The following NACAD variants were observed in gnomAD, a reference collection of about 807,000 sequenced individuals.
NACAD encodes NAC-alpha domain-containing protein 1.
A neutral mutation model predicts 98.9 loss-of-function variants in NACAD; 47 were observed. That is an observed-to-expected ratio of 0.48 (90% CI 0.38 to 0.61). The LOEUF is 0.61. Among genes scored for constraint, NACAD ranks in the 20% least tolerant of loss-of-function variants. The pLI is 0.00. For synonymous variants in NACAD, 696 were observed against 767.2 expected, an observed-to-expected ratio of 0.91 and a Z score of 1.53; for missense variants, 1,412 against 1,748.2, an observed-to-expected ratio of 0.81 and a Z score of 3.43.
At position 45,082,139 on chromosome 7, in the gene NACAD, C is replaced by T. The variant is rs1424699858; in HGVS notation, c.4041G>A (p.Glu1347=). The T allele has an allele frequency of 6.7e-7, 1 of 1,485,536 alleles. No individual in the cohort carries two copies. Among genetic ancestry groups the T allele is most frequent in the Non-Finnish European group, 9.0e-7 (1 of 1,116,554 alleles). The allele number at this position is 1,485,536 out of a possible 1,614,324, so 92.0% of individuals were successfully genotyped here. The change falls in exon 2 of 8, where the codon GAG becomes GAA. Residue 1347 remains glutamate, a synonymous_variant. Transcript: ENST00000490531. The surrounding 1 kb of genome is among the most constrained non-coding windows in gnomAD (Gnocchi z 4.5). ...PAGPQGLSAP[E]QQEDEDSLEE... ...CCAGGCTGTCCTCATCCTCTTGCTG[C>T]TCGGGGGCTGAGAGCCCTTGAGGGC...
Position 45,082,799 on chromosome 7 carries a change from T to G in NACAD, c.3381A>C (p.Arg1127Ser). Residue 1127 changes from arginine (R) to serine (S), a missense_variant, in exon 2 of 8, where the codon AGA (arginine) becomes AGC (serine). By Grantham distance (110) the Arg-to-Ser change is moderately radical. This residue lies in a region of NACAD where 572 missense variants were observed against 639.6 expected (regional missense o/e 0.89). Coordinates refer to ENST00000490531, the MANE Select transcript of NACAD (RefSeq NM_001146334.2). This position sits in a 1 kb window ranked among gnomAD's most constrained non-coding sequence, Gnocchi z 4.5. ...CCGGGGTGGACTTGCCACTCAGGCCTCTTTCCTCCCTGGCTGGGCTCAGGA... is the reference window on the plus strand; with the variant it reads ...CCGGGGTGGACTTGCCACTCAGGCCGCTTTCCTCCCTGGCTGGGCTCAGGA... ...ARLLSPAREE[R>S]GLSGKSTPEP... is the part of the protein sequence containing the mutation. 1 of 1,549,790 alleles carries G rather than the reference T, an allele frequency of 6.5e-7. No individual in the cohort carries two copies. The highest frequency in any genetic ancestry group is 8.7e-7 in the Non-Finnish European group (1 of 1,146,620).
At position 45,085,135 on chromosome 7, in the gene NACAD, C is replaced by G. The variant is rs1453360104; in HGVS notation, c.1045G>C (p.Ala349Pro). The G allele has an allele frequency of 6.4e-7, 1 of 1,550,748 alleles. No individual in the cohort carries two copies. Among genetic ancestry groups the G allele is most frequent in the Non-Finnish European group, 8.7e-7 (1 of 1,146,688 alleles). ...VADPDPGGDL[A>P]GEGEEDSTSA... ...GTGCTGTCCTCCTCACCCTCCCCAG[C>G]CAGGTCCCCACCTGGGTCGGGATCC... Residue 349 changes from alanine to proline, a missense_variant, in exon 2 of 8, where the codon GCT becomes CCT. By Grantham distance (27) the Ala-to-Pro change is conservative. Around this residue, in one of 5 missense-constraint regions of NACAD, gnomAD observed 638 missense variants for 722.7 expected, o/e 0.88. Transcript: ENST00000490531. This position sits in a 1 kb window ranked among gnomAD's most constrained non-coding sequence, Gnocchi z 6.1.
At position 45,085,913 on chromosome 7, in the gene NACAD, G is replaced by A. The variant is rs539520980; in HGVS notation, c.267C>T (p.Gly89=). The change falls in exon 2 of 8, where the codon GGC becomes GGT. Residue 89 remains glycine (G), a synonymous_variant. Transcript: ENST00000490531. The surrounding 1 kb of genome is among the most constrained non-coding windows in gnomAD (Gnocchi z 6.1). ...APSAWADPGE[G]GPSPMLLPEG... Reference sequence around the variant, plus strand: ...CAGGGAGGAGCATGGGGCTTGGGCCGCCCTCCCCTGGGTCCGCCCAGGCCG... The same window carrying A: ...CAGGGAGGAGCATGGGGCTTGGGCCACCCTCCCCTGGGTCCGCCCAGGCCG... 55 of 1,545,562 alleles carry A rather than the reference G, an allele frequency of 3.6e-5. No homozygotes were observed. In the East Asian group the frequency reaches 6.1e-4, roughly 17 times the overall value.
rs1784558892 is a variant in NACAD, at chr7:45,088,708, G to C, written c.67+120C>G. 2.7e-6 allele frequency: 2 copies of C among 730,512 alleles called. No individual in the cohort carries two copies. Among genetic ancestry groups the C allele is most frequent in the Non-Finnish European group, 4.0e-6 (2 of 501,546 alleles). 45.3% of individuals were successfully genotyped at this position (730,512 alleles called of 1,614,324 possible). ...AGGGAAGGACAGGGCGCGGAAAGGG[G>C]AGGGGACTCGAGGGGGGCCAGGGGG... On this transcript the variant is annotated intron_variant, in intron 1 of 7. Transcript: ENST00000490531. The surrounding 1 kb of genome is among the most constrained non-coding windows in gnomAD (Gnocchi z 5.7).
Position 45,085,374 on chromosome 7 carries a change from C to T in NACAD, c.806G>A (p.Gly269Glu), listed in dbSNP as rs367729867. 3 of 1,549,042 alleles carry T rather than the reference C, an allele frequency of 1.9e-6. No individual in the cohort carries two copies. The highest frequency in any genetic ancestry group is 2.6e-6 in the Non-Finnish European group (3 of 1,145,910). Reference protein sequence around the residue: ...MVDERELHPAGTPEPPSSESS... With the variant: ...MVDERELHPAETPEPPSSESS... ...CTCAGAGGACGGGGGCTCTGGGGTC[C>T]CTGCTGGGTGCAGCTCTCGTTCATC... Residue 269 changes from glycine to glutamate, a missense_variant, in exon 2 of 8, where the codon GGG becomes GAG. By Grantham distance (98) the Gly-to-Glu change is moderately conservative. Around this residue, in one of 5 missense-constraint regions of NACAD, gnomAD observed 638 missense variants for 722.7 expected, o/e 0.88. Coordinates refer to ENST00000490531, the MANE Select transcript of NACAD (RefSeq NM_001146334.2). This position sits in a 1 kb window ranked among gnomAD's most constrained non-coding sequence, Gnocchi z 6.1.
intron 1 of NACAD, among the ~76,000 whole-genome samples, chr7:45,086,994 T>A (rs996758855): frequency 6.6e-6 from 1 of 152,142 alleles, no homozygotes; most frequent in South Asian, 2.1e-4. Flanking sequence ...CTGGGTCCCA[T>A]GATGCACTCC....
In NACAD at chr7:45,085,964, C is replaced by A; in HGVS notation, c.216G>T (p.Trp72Cys). 2.0e-6 allele frequency: 3 copies of A among 1,537,474 alleles called. No individual in the cohort carries two copies. Among genetic ancestry groups the A allele is most frequent in the Non-Finnish European group, 2.6e-6 (3 of 1,141,216 alleles). The change falls in exon 2 of 8, where the codon TGG (tryptophan) becomes TGT (cysteine). Residue 72 changes from tryptophan (W) to cysteine (C), a missense_variant. Physicochemically the swap from Trp to Cys is radical, Grantham distance 215 (BLOSUM62 -2). Transcript: ENST00000490531. This position sits in a 1 kb window ranked among gnomAD's most constrained non-coding sequence, Gnocchi z 6.1. ...GARPQPEGAS[W>C]DAGPGGAPSA... ...AGGGTGCCCCACCAGGCCCTGCATC[C>A]CAGCTGGCTCCCTCGGGCTGGGGCC...
Position 45,080,947 on chromosome 7 carries a change from C to A in NACAD, c.4480G>T (p.Val1494Phe). 6.4e-7 allele frequency: 1 copy of A among 1,552,410 alleles called. No homozygotes were observed. The highest frequency in any genetic ancestry group is 8.7e-7 in the Non-Finnish European group (1 of 1,147,406). ...FKVPSEPSAL[V>F]PESAPRPRVR... ...CGGGGCCTGGGTGCTGACTCAGGGA[C>A]CAAGGCTGAGGGCTCTGAGGGCACC... The change falls in exon 6 of 8, where the codon GTC becomes TTC. Residue 1494 changes from valine (V) to phenylalanine (F), a missense_variant. Val to Phe is a conservative substitution (Grantham distance 50). Around this residue, in one of 5 missense-constraint regions of NACAD, gnomAD observed 88 missense variants for 105.4 expected, o/e 0.84. Transcript: ENST00000490531.
chr7:45,082,522 G>A lies in NACAD; in HGVS notation c.3658C>T (p.Pro1220Ser). 1 of 1,549,620 alleles carries A rather than the reference G, an allele frequency of 6.5e-7. No homozygotes were observed. Among genetic ancestry groups the A allele is most frequent in the Non-Finnish European group, 8.7e-7 (1 of 1,146,744 alleles). ...TCAGGGCCCAGGGGCCTGTCCACGG[G>A]CGTGCTGGGCTGACCCTTGGCAAGG... ...ENLAKGQPSTPVDRPLGPDPS... is the reference protein window; with the variant it reads ...ENLAKGQPSTSVDRPLGPDPS... Residue 1220 changes from proline (P) to serine (S), a missense_variant, in exon 2 of 8, where the codon CCC becomes TCC. By Grantham distance (74) the Pro-to-Ser change is moderately conservative. This residue lies in a region of NACAD where 572 missense variants were observed against 639.6 expected (regional missense o/e 0.89). Transcript: ENST00000490531. This position sits in a 1 kb window ranked among gnomAD's most constrained non-coding sequence, Gnocchi z 4.5.
In NACAD at chr7:45,085,914, C is replaced by A; in HGVS notation, c.266G>T (p.Gly89Val). The A allele has an allele frequency of 6.5e-7, 1 of 1,545,932 alleles. No individual in the cohort carries two copies. Among genetic ancestry groups the A allele is most frequent in the Non-Finnish European group, 8.7e-7 (1 of 1,145,284 alleles). The change falls in exon 2 of 8, where the codon GGC becomes GTC. Residue 89 changes from glycine to valine, a missense_variant. By Grantham distance (109) the Gly-to-Val change is moderately radical. Around this residue, in one of 5 missense-constraint regions of NACAD, gnomAD observed 638 missense variants for 722.7 expected, o/e 0.88. Transcript: ENST00000490531. The surrounding 1 kb of genome is among the most constrained non-coding windows in gnomAD (Gnocchi z 6.1). ...APSAWADPGE[G>V]GPSPMLLPEG... ...AGGGAGGAGCATGGGGCTTGGGCCG[C>A]CCTCCCCTGGGTCCGCCCAGGCCGA...
intron 1 of NACAD, among the ~76,000 whole-genome samples, chr7:45,087,781 G>A (rs922133589): frequency 2.0e-5 from 3 of 152,244 alleles, no homozygotes; most frequent in Admixed American, 6.5e-5. Context: ...CCCAACATCA[G>A]GAGTGGGCGT....
At position 45,080,649 on chromosome 7, in the gene NACAD, G is replaced by A. The variant is rs1132130; in HGVS notation, c.4665C>T (p.Asn1555=). Residue 1555 remains asparagine, a synonymous_variant, in exon 7 of 8, where the codon AAC becomes AAT. Transcript: ENST00000490531. The part of the protein sequence containing the change: ...ALRDNHSDIV[N]AIMELTM ...GCCAGTGCTCACTCACCATGATGGCGTTGACGATGTCACTGTGGTTGTCTC... is the reference window on the plus strand; with the variant it reads ...GCCAGTGCTCACTCACCATGATGGCATTGACGATGTCACTGTGGTTGTCTC... 251,615 of 1,551,296 alleles carry A rather than the reference G, an allele frequency of 0.16. 21,794 individuals are homozygous for A. Among genetic ancestry groups the A allele is most frequent in the Middle Eastern group, 0.2 (1,219 of 5,988 alleles).
chr7:45,080,510 T>G lies in NACAD; in HGVS notation c.4688A>C (p.Ter1563SerextTer19). 6.4e-7 allele frequency: 1 copy of G among 1,551,428 alleles called. No homozygotes were observed. Among genetic ancestry groups the G allele is most frequent in the Non-Finnish European group, 8.7e-7 (1 of 1,146,900 alleles). ...IVNAIMELTM[*>S] ...ATGGCTCCAGCTTCCGGTCAGTGGC[T>G]ACATGGTCAGTTCCTGCAGAAAGAG... is the stretch of plus-strand genomic sequence containing the variant. The change falls in exon 8 of 8, where the codon TAG (stop) becomes TCG (serine). Residue 1563 changes from the stop codon to serine, a stop_lost. Transcript: ENST00000490531.
rs545439829 is a variant in NACAD, at chr7:45,088,343, T to C, written c.67+485A>G. Among the ~76,000 whole-genome samples the C allele has an allele frequency of 6.6e-6, 1 of 152,218 alleles. No homozygotes were observed. On this transcript the variant is annotated intron_variant, in intron 1 of 7. Coordinates refer to ENST00000490531, the MANE Select transcript of NACAD (RefSeq NM_001146334.2). This position sits in a 1 kb window ranked among gnomAD's most constrained non-coding sequence, Gnocchi z 5.7. ...CCCTCCATCCGGGCTTCCTAGGCTCTGGCCAGTCCTGCTCCTCCCTCCAGA... is the reference window on the plus strand; with the variant it reads ...CCCTCCATCCGGGCTTCCTAGGCTCCGGCCAGTCCTGCTCCTCCCTCCAGA...
chr7:45,084,209 T>C lies in NACAD; in HGVS notation c.1971A>G (p.Pro657=), dbSNP rs1784473729. 1 of 1,121,342 alleles carries C rather than the reference T, an allele frequency of 8.9e-7. No individual in the cohort carries two copies. The highest frequency in any genetic ancestry group is 1.1e-6 in the Non-Finnish European group (1 of 882,196). 69.5% of individuals were successfully genotyped at this position (1,121,342 alleles called of 1,614,324 possible). The stretch of plus-strand genomic sequence containing the variant: ...CAAGCGTGGCTGCAGCCACAGGCTT[T>C]GGGGCTGACGAGAGTTCTGTGTCTT... ...PLQDTELSSA[P]KPVAAATLVS... The change falls in exon 2 of 8, where the codon CCA becomes CCG. Residue 657 remains proline, a synonymous_variant. Transcript: ENST00000490531.
rs769885288 is a variant in NACAD, at chr7:45,085,633, T to G, written c.547A>C (p.Thr183Pro). 6.5e-7 allele frequency: 1 copy of G among 1,547,482 alleles called. No homozygotes were observed. Among genetic ancestry groups the G allele is most frequent in the Non-Finnish European group, 8.7e-7 (1 of 1,145,520 alleles). The change falls in exon 2 of 8, where the codon ACC becomes CCC. Residue 183 changes from threonine (T) to proline (P), a missense_variant. Transcript: ENST00000490531. This position sits in a 1 kb window ranked among gnomAD's most constrained non-coding sequence, Gnocchi z 6.1. ...FFTPPSTPTK[T>P]TYALLPACGP... ...CAGGCAGGAAGCAGGGCATAGGTGG[T>G]CTTGGTGGGGGTGGAGGGAGGCGTG...
Position 45,080,698 on chromosome 7 carries a change from C to T in NACAD, c.4616G>A (p.Arg1539Lys). 2 of 1,551,218 alleles carry T rather than the reference C, an allele frequency of 1.3e-6. No individual in the cohort carries two copies. Among genetic ancestry groups the T allele is most frequent in the South Asian group, 2.4e-5 (2 of 84,066 alleles). ...TCTCAGAGCCCGCACGGCCTTGGCCCTGGACACATTGGCCTGCGCCATCAC... is the reference window on the plus strand; with the variant it reads ...TCTCAGAGCCCGCACGGCCTTGGCCTTGGACACATTGGCCTGCGCCATCAC... ...ELVMAQANVS[R>K]AKAVRALRDN... The change falls in exon 7 of 8, where the codon AGG becomes AAG. Residue 1539 changes from arginine to lysine, a missense_variant. Arg to Lys is a conservative substitution (Grantham distance 26, BLOSUM62 2). Around this residue, in one of 5 missense-constraint regions of NACAD, gnomAD observed 88 missense variants for 105.4 expected, o/e 0.84. Coordinates refer to ENST00000490531, the MANE Select transcript of NACAD (RefSeq NM_001146334.2).
At position 45,086,126 on chromosome 7, in the gene NACAD, G is replaced by C. The variant is rs1341026811; in HGVS notation, c.68-14C>G. 1 of 1,534,568 alleles carries C rather than the reference G, an allele frequency of 6.5e-7. No individual in the cohort carries two copies. The highest frequency in any genetic ancestry group is 8.7e-7 in the Non-Finnish European group (1 of 1,146,336). ...CGCAGGACAGATCTGTGGAGATAGA[G>C]AAGATCATGAGGTGCCCCTGGATGC... is the stretch of plus-strand genomic sequence containing the variant. On this transcript the variant is annotated splice_polypyrimidine_tract_variant and intron_variant, in intron 1 of 7. Transcript: ENST00000490531.
chr7:45,085,280 C>T lies in NACAD; in HGVS notation c.900G>A (p.Leu300=). ...QEGHFFDLDF[L]ANDPMIPAAL... is the part of the protein sequence containing the mutation. The stretch of plus-strand genomic sequence containing the variant: ...CTGCGGGGATCATTGGGTCATTGGC[C>T]AGGAAGTCCAGGTCGAAGAAGTGGC... The change falls in exon 2 of 8, where the codon CTG becomes CTA. Residue 300 remains leucine, a synonymous_variant. Coordinates refer to ENST00000490531, the MANE Select transcript of NACAD (RefSeq NM_001146334.2). This position sits in a 1 kb window ranked among gnomAD's most constrained non-coding sequence, Gnocchi z 6.1. The T allele has an allele frequency of 1.3e-6, 2 of 1,551,232 alleles. No individual in the cohort carries two copies. Among genetic ancestry groups the T allele is most frequent in the African/African-American group, 1.4e-5 (1 of 73,164 alleles).
Sources: allele counts gnomAD v4.1 joint callset (sites outside exome capture counted in the v4.1 genomes callset), GRCh38; gene constraint gnomAD v4.1.1; regional missense constraint gnomAD v4.1.1; non-coding constraint Gnocchi (gnomAD v3.1); transcripts MANE v1.5; gene names NCBI Gene and HGNC (gene_info 2026-07-23, HGNC 2026-07-21).